PDE11A: variants seen among roughly 807,000 people sequenced by gnomAD.
PDE11A encodes the protein dual 3',5'-cyclic-AMP and -GMP phosphodiesterase 11A.
Under a neutral mutation model 100.5 loss-of-function variants are expected in PDE11A, and 100 were observed. The ratio of observed to expected loss-of-function variants is 1.00; its 90% CI spans 0.85 to 1.18. The LOEUF is 1.18. Among genes scored for constraint, PDE11A ranks in the 50% most tolerant of loss-of-function variants. The pLI is 0.00. For missense variants in PDE11A, 1,141 were observed against 1,152.6 expected (o/e 0.99, Z 0.15); for synonymous variants, 381 against 420.8 (o/e 0.91, Z 1.16).
chr2:177,991,642 G>T (rs79361463), intron 2 of PDE11A, among the ~76,000 whole-genome samples: 1 of 150,318 alleles, frequency 6.7e-6, no homozygotes, highest in Admixed American at 6.7e-5. Flanking sequence ...TTCAAAAAAT[G>T]ATAATAATAA....
intron 2 of PDE11A, among the ~76,000 whole-genome samples, chr2:177,936,600 T>C (rs562385401): frequency 6.6e-6 from 1 of 152,342 alleles, no homozygotes; most frequent in Admixed American, 6.5e-5. Context: ...GATTGGAAAT[T>C]TATTAATTTA....
At chr2:178,072,840 C>G, upstream of PDE11A, 1 of 1,178,660 alleles carries the variant, frequency 8.5e-7, no homozygotes, top group Non-Finnish European at 1.1e-6. Flanking sequence ...AGGCACGGAG[C>G]CTGGAGGGAG....
At chr2:177,842,672 C>T (rs957600566) in intron 5 of PDE11A, among the ~76,000 whole-genome samples, 2 of 152,188 alleles carry the variant, frequency 1.3e-5, no homozygotes, top group African/African-American at 4.8e-5. Context: ...TTGTAAACCA[C>T]AGAAGTCATG....
intron 10 of PDE11A, among the ~76,000 whole-genome samples, chr2:177,754,350 CAAAAACAAAAAACA>C (rs572858702): frequency 2.6e-4 from 40 of 152,178 alleles, no homozygotes; most frequent in African/African-American, 8.9e-4. Flanking sequence ...AAAAAAAATG[CAAAAACAAAAAACA>C]AAAAACAAAA....
chr2:177,878,746 C>T (rs1467999341), intron 4 of PDE11A, among the ~76,000 whole-genome samples: 1 of 152,158 alleles, frequency 6.6e-6, no homozygotes, highest in East Asian at 1.9e-4. Flanking sequence ...GATTCCACAG[C>T]TCCAGTGATC....
intron 5 of PDE11A, among the ~76,000 whole-genome samples, chr2:177,848,589 T>C (rs911939308): frequency 2.2e-4 from 34 of 152,230 alleles, no homozygotes; most frequent in African/African-American, 7.7e-4. Flanking sequence ...AGACTCAAAC[T>C]GACTTCAAAG....
intron 9 of PDE11A, among the ~76,000 whole-genome samples, chr2:177,806,224 T>TAAGA (rs6147042): frequency 0.41 from 61,715 of 152,056 alleles, 14,375 homozygotes; most frequent in African/African-American, 0.64. Context: ...TGCACATGAA[T>TAAGA]TTGGCTGGAG....
rs1200811542 is a variant in PDE11A at position 177,997,330 on chromosome 2, C to T, written c.1071+16972G>A. The stretch of plus-strand genomic sequence containing the variant: ...TCTCACTGGGAGGATTATAAATCTG[C>T]CTGGCATCTCTTTTTTGTTCTGCTG... On this transcript the variant is annotated intron_variant, in intron 2 of 19. Coordinates refer to ENST00000286063, the MANE Select transcript of PDE11A (RefSeq NM_016953.4). The T allele has an allele frequency of 6.5e-5, 58 of 895,368 alleles. No individual in the cohort carries two copies. The Middle Eastern group carries it at 2.3e-3, about 35-fold the overall frequency. 55.5% of individuals were successfully genotyped at this position (895,368 alleles called of 1,614,324 possible).
At chr2:177,787,512 T>A (rs1203051524) in intron 9 of PDE11A, among the ~76,000 whole-genome samples, 1 of 151,460 alleles carries the variant, frequency 6.6e-6, no homozygotes, top group East Asian at 2.0e-4. Flanking sequence ...AACATCATAA[T>A]GACAGGATCA....
chr2:177,895,001 A>C (rs1430587183), intron 4 of PDE11A, among the ~76,000 whole-genome samples: 1 of 152,082 alleles, frequency 6.6e-6, no homozygotes, highest in Admixed American at 6.6e-5. Flanking sequence ...CTACCTTGGG[A>C]CCACTTATTC....
intron 15 of PDE11A, among the ~76,000 whole-genome samples, chr2:177,690,384 G>T (rs774223600): frequency 2.5e-4 from 38 of 152,284 alleles, no homozygotes; most frequent in Admixed American, 4.6e-4. Flanking sequence ...TTGGTTGAGC[G>T]CAGGCAACTG....
intron 2 of PDE11A, among the ~76,000 whole-genome samples, chr2:178,101,556 T>A (rs2087559071): frequency 6.6e-6 from 1 of 152,192 alleles, no homozygotes; most frequent in African/African-American, 2.4e-5. Context: ...GACTTACTCA[T>A]CTAGCTCAAA....
chr2:177,866,829 G>A (rs1461131068), intron 5 of PDE11A, among the ~76,000 whole-genome samples: 1 of 152,200 alleles, frequency 6.6e-6, no homozygotes. Flanking sequence ...TACAATCATG[G>A]TACTTAATAA....
At chr2:177,995,341 C>A (rs1394335241) in intron 2 of PDE11A, among the ~76,000 whole-genome samples, 1 of 152,176 alleles carries the variant, frequency 6.6e-6, no homozygotes, top group Non-Finnish European at 1.5e-5. Context: ...AACTTTTGCT[C>A]ATTTGTATCA....
rs748290141 is a variant in PDE11A, at chr2:178,071,728, C to T, written c.710G>A (p.Arg237His). The T allele has an allele frequency of 6.2e-7, 1 of 1,614,014 alleles. No individual in the cohort carries two copies. The highest frequency in any genetic ancestry group is 8.5e-7 in the Non-Finnish European group (1 of 1,179,918). Residue 237 changes from arginine (R) to histidine (H), a missense_variant, in exon 1 of 20, where the codon CGC becomes CAC. Arg to His is a conservative substitution (Grantham distance 29). Transcript: ENST00000286063. ...CCCTTCCACCAGGAAAAGAGAGCAG[C>T]GGTCAGCATCCACCATAAGGCAGAC... ...IFVCLMVDAD[R>H]CSLFLVEGAA...
intron 15 of PDE11A, among the ~76,000 whole-genome samples, chr2:177,695,784 T>C (rs916330676): frequency 7.2e-5 from 11 of 152,334 alleles, no homozygotes; most frequent in African/African-American, 1.9e-4. Context: ...AGCAATCTCT[T>C]TGAGCTTTTC....
chr2:177,853,764 G>GTA (rs34035499), intron 5 of PDE11A, among the ~76,000 whole-genome samples: 103,332 of 117,394 alleles, frequency 0.88, 46,153 homozygotes, highest in East Asian at 0.99. Context: ...ATCTATATAT[G>GTA]TATATATATC....
intron 2 of PDE11A, among the ~76,000 whole-genome samples, chr2:177,969,121 ACATGAATG>A (rs2085736362): frequency 6.6e-6 from 1 of 152,208 alleles, no homozygotes; most frequent in Non-Finnish European, 1.5e-5. Flanking sequence ...CTTTGCAGGG[ACATGAATG>A]AAGCTGGAAG....
At chr2:177,787,325 G>A (rs1360878540) in intron 9 of PDE11A, among the ~76,000 whole-genome samples, 1 of 150,882 alleles carries the variant, frequency 6.6e-6, no homozygotes, top group African/African-American at 2.4e-5. Flanking sequence ...ACACTTTACA[G>A]ACAAGCAAAT....
Sources: gnomAD v4.1 joint callset for allele counts (sites outside exome capture counted in the v4.1 genomes callset) on GRCh38, gnomAD v4.1.1 for gene constraint, MANE v1.5 for transcripts, NCBI Gene and HGNC (gene_info 2026-07-23, HGNC 2026-07-21) for gene names.